Variants in RBM6 observed in about 807,000 individuals in gnomAD.
RBM6 encodes the protein RNA-binding protein 6.
A neutral mutation model predicts 140.4 loss-of-function variants in RBM6; 23 were observed. The ratio of observed to expected loss-of-function variants is 0.16; its 90% CI spans 0.12 to 0.23. RBM6 has a LOEUF of 0.23. RBM6 is among the 10% of genes least tolerant of loss of function. RBM6 has a pLI of 1.00. For missense variants in RBM6, 1,139 were observed against 1,386.7 expected, an observed-to-expected ratio of 0.82 and a Z score of 2.84; for synonymous variants, 439 against 475.6, an observed-to-expected ratio of 0.92 and a Z score of 1.00.
At chr3:50,027,153 G>A (rs1218600516) in intron 6 of RBM6, among the ~76,000 whole-genome samples, 1 of 152,064 alleles carries the variant, frequency 6.6e-6, no homozygotes, top group Non-Finnish European at 1.5e-5. Context: ...GCATGGTTAG[G>A]AGGAGAAAAA....
chr3:50,030,481 A>G (rs1184590731), intron 6 of RBM6, among the ~76,000 whole-genome samples: 1 of 152,096 alleles, frequency 6.6e-6, no homozygotes, highest in Non-Finnish European at 1.5e-5. Context: ...TTGTTCCACT[A>G]CCTACTTTTT....
chr3:50,059,718 G>A lies in RBM6; in HGVS notation c.2200G>A (p.Ala734Thr), dbSNP rs1022888212. 3.7e-6 allele frequency: 6 copies of A among 1,613,838 alleles called. No homozygotes were observed. The highest frequency in any genetic ancestry group is 5.1e-6 in the Non-Finnish European group (6 of 1,179,880). The change falls in exon 11 of 21, where the codon GCT (alanine) becomes ACT (threonine). Residue 734 changes from alanine (A) to threonine (T), a missense_variant. By Grantham distance (58) the Ala-to-Thr change is moderately conservative (BLOSUM62 0). This residue lies in a region of RBM6 where 47 missense variants were observed against 117.6 expected (regional missense o/e 0.40). Transcript: ENST00000266022. ...PPFSIDGKMVAVNLATGKRRN... is the reference protein window; with the variant it reads ...PPFSIDGKMVTVNLATGKRRN... ...ATTTAGCATTGATGGGAAGATGGTA[G>A]CTGTAAACCTGGCCACTGGAAAACG...
chr3:50,065,218 G>T, intron 16 of RBM6, 92 bp downstream of exon 16: 1 of 929,498 alleles, frequency 1.1e-6, no homozygotes, highest in South Asian at 1.6e-5. Flanking sequence ...CCTTCCTCTG[G>T]TGTTGGTCTT....
intron 6 of RBM6, among the ~76,000 whole-genome samples, chr3:50,032,927 G>A (rs1559610423): frequency 6.6e-6 from 1 of 152,082 alleles, no homozygotes; most frequent in South Asian, 2.1e-4. Flanking sequence ...AGAGGTTGCA[G>A]TGAGCCGAGA....
intron 5 of RBM6, among the ~76,000 whole-genome samples, chr3:49,988,466 A>G (rs1397332012): frequency 2.0e-5 from 3 of 150,048 alleles, no homozygotes; most frequent in Non-Finnish European, 4.4e-5. Context: ...TTTAACCACT[A>G]TTTTTTAGAA....
At chr3:49,947,277 G>T (rs75060385) in intron 1 of RBM6, among the ~76,000 whole-genome samples, 3,105 of 21,806 alleles carry the variant, frequency 0.14, 178 homozygotes, top group African/African-American at 0.29. Flanking sequence ...GGGGGGGGGG[G>T]TTTTGAGCTG....
Position 50,075,089 on chromosome 3 carries a change from G to A in RBM6, c.3117-112G>A, listed in dbSNP as rs1385754848. ...GAGAATCGCCTGAACCCAGGAGGCA[G>A]AGGTTGCAGTAAGCTGAGTTCGAGC... On this transcript the variant is annotated intron_variant, in intron 19 of 20. Coordinates refer to ENST00000266022, the MANE Select transcript of RBM6 (RefSeq NM_005777.3). 3.1e-6 allele frequency: 4 copies of A among 1,270,830 alleles called. No individual in the cohort carries two copies. The African/African-American group carries it at 6.0e-5, about 19-fold the overall frequency. 78.7% of individuals were successfully genotyped at this position (1,270,830 alleles called of 1,614,324 possible).
chr3:50,004,443 G>C (rs919062469), intron 6 of RBM6, among the ~76,000 whole-genome samples: 12 of 146,808 alleles, frequency 8.2e-5, no homozygotes, highest in Non-Finnish European at 1.6e-4. Flanking sequence ...GTTCTCTTTA[G>C]TAGCTGGAAC....
At chr3:49,972,281 T>C (rs2084834238) in intron 4 of RBM6, 133 bp downstream of exon 4, 1 of 683,204 alleles carries the variant, frequency 1.5e-6, no homozygotes, top group African/African-American at 1.8e-5. Context: ...TTTTCCCATC[T>C]TCCCTCAGTG....
intron 3 of RBM6, among the ~76,000 whole-genome samples, chr3:49,971,208 G>T (rs2084773803): frequency 1.3e-5 from 2 of 151,610 alleles, no homozygotes; most frequent in African/African-American, 4.9e-5. Context: ...AGAGGTTGCG[G>T]GGAGGCAGAG....
In RBM6 at chr3:49,968,766, ATTGCTTTTTT is replaced by A; in HGVS notation, c.1323+21_1323+30del. 9 of 482,824 alleles carry A rather than the reference ATTGCTTTTTT, an allele frequency of 1.9e-5. No homozygotes were observed. The highest frequency in any genetic ancestry group is 3.8e-5 in the Admixed American group (1 of 26,144). The allele number at this position is 482,824 out of a possible 1,614,324, so 29.9% of individuals were successfully genotyped here. ...ACCTTCAGGTATGTTGATGGGGTGG[ATTGCTTTTTT>A]TTTTTTTTTTTTTTTTTTTTTTGAG... On this transcript the variant is annotated intron_variant, in intron 3 of 20. Coordinates refer to ENST00000266022, the MANE Select transcript of RBM6 (RefSeq NM_005777.3).
intron 4 of RBM6, among the ~76,000 whole-genome samples, chr3:49,973,589 T>C (rs571688628): frequency 2.3e-3 from 340 of 147,940 alleles, no homozygotes; most frequent in Middle Eastern, 3.5e-3. Context: ...CTTTTCTTTT[T>C]TTTTTTTTTT....
At chr3:49,943,282 A>AATT (rs745679766) in intron 1 of RBM6, among the ~76,000 whole-genome samples, 19 of 151,744 alleles carry the variant, frequency 1.3e-4, no homozygotes, top group Non-Finnish European at 2.2e-4. Context: ...GCTATATGGT[A>AATT]ATTATTATTA....
intron 6 of RBM6, among the ~76,000 whole-genome samples, chr3:50,014,548 T>G (rs1219735728): frequency 6.6e-6 from 1 of 152,262 alleles, no homozygotes; most frequent in Admixed American, 6.5e-5. Flanking sequence ...TTTCACATCC[T>G]TCTTTATACT....
intron 7 of RBM6, among the ~76,000 whole-genome samples, chr3:50,049,091 C>T (rs918776262): frequency 9.2e-5 from 14 of 151,530 alleles, no homozygotes; most frequent in South Asian, 4.2e-4. Flanking sequence ...CATGAGCCAC[C>T]GCGCTGGCCT....
At chr3:50,040,471 A>ATATAT (rs1189530799) in intron 6 of RBM6, among the ~76,000 whole-genome samples, 1 of 33,544 alleles carries the variant, frequency 3.0e-5, no homozygotes, top group Non-Finnish European at 6.3e-5. Context: ...AAAAAAAAAA[A>ATATAT]ATATATATAT....
At chr3:49,998,286 T>C (rs1020825587) in intron 5 of RBM6, among the ~76,000 whole-genome samples, 3 of 152,244 alleles carry the variant, frequency 2.0e-5, no homozygotes, top group Non-Finnish European at 2.9e-5. Flanking sequence ...TGCAGTGATA[T>C]CAGTTTCCTA....
chr3:50,070,929 G>A (rs1305574782), intron 19 of RBM6, among the ~76,000 whole-genome samples: 1 of 152,214 alleles, frequency 6.6e-6, no homozygotes, highest in Non-Finnish European at 1.5e-5. Context: ...GGCTGCTGAT[G>A]GAGATGTATG....
At chr3:50,017,782 G>A (rs1406989530) in intron 6 of RBM6, among the ~76,000 whole-genome samples, 1 of 152,018 alleles carries the variant, frequency 6.6e-6, no homozygotes, top group Admixed American at 6.6e-5. Context: ...TTAGTTTGAC[G>A]CAATTCCATT....
Sources: allele counts gnomAD v4.1 joint callset (sites outside exome capture counted in the v4.1 genomes callset), GRCh38; gene constraint gnomAD v4.1.1; regional missense constraint gnomAD v4.1.1; transcripts MANE v1.5; gene names NCBI Gene and HGNC (gene_info 2026-07-23, HGNC 2026-07-21).